Variants in IGF1 observed in about 807,000 individuals in gnomAD.
The protein encoded by IGF1 is insulin like growth factor 1, also known as insulin-like growth factor 1.
In IGF1, 4 loss-of-function variants were observed where a neutral mutation model predicts 13.8. The ratio of observed to expected loss-of-function variants is 0.29; its 90% CI spans 0.14 to 0.66. The LOEUF is 0.66. Ranked by LOEUF, IGF1 falls within the 30% of genes least tolerant of loss-of-function variation. The pLI, the probability that IGF1 is intolerant of heterozygous loss-of-function variation, is 0.78. For missense variants in IGF1, 124 were observed against 188.5 expected (o/e 0.66, Z 2.00); for synonymous variants, 76 against 72.6 (o/e 1.05, Z -0.23).
chr12:102,480,295 C>T, intron 1 of IGF1, 24 bp downstream of exon 1: 2 of 1,605,968 alleles, frequency 1.2e-6, no homozygotes, highest in Non-Finnish European at 1.7e-6. Flanking sequence ...TCCCCAATGA[C>T]TTCAAAGAGT....
chr12:102,443,634 A>G (rs1878057180), intron 2 of IGF1, among the ~76,000 whole-genome samples: 1 of 152,072 alleles, frequency 6.6e-6, no homozygotes, highest in Non-Finnish European at 1.5e-5. Context: ...TTGAATGAAC[A>G]AAACAACAGA....
intron 2 of IGF1, among the ~76,000 whole-genome samples, chr12:102,450,273 C>T (rs72561801): frequency 1.2e-4 from 18 of 152,332 alleles, no homozygotes; most frequent in Middle Eastern, 3.4e-3. Flanking sequence ...TTTTATGCGA[C>T]TCTCCTAGAA....
At position 102,396,738 on chromosome 12, in the gene IGF1, A is replaced by G. The variant is rs1202195449; in HGVS notation, c.*5769T>C. The G allele has an allele frequency of 7.6e-6, 3 of 395,332 alleles. No homozygotes were observed. Among genetic ancestry groups the G allele is most frequent in the Non-Finnish European group, 1.3e-5 (3 of 224,254 alleles). The allele number at this position is 395,332 out of a possible 1,614,324, so 24.5% of individuals were successfully genotyped here. On this transcript the variant is annotated 3_prime_UTR_variant, in exon 4 of 4. Coordinates refer to ENST00000337514, the MANE Select transcript of IGF1 (RefSeq NM_000618.5). The stretch of plus-strand genomic sequence containing the variant: ...GGTTATTAGGAGAAACTCTGTCTCC[A>G]TCTTAACTCATATTTCAGTTGAGCA...
At chr12:102,473,583 T>C (rs1486137048) in intron 2 of IGF1, among the ~76,000 whole-genome samples, 2 of 152,204 alleles carry the variant, frequency 1.3e-5, no homozygotes, top group Non-Finnish European at 2.9e-5. Context: ...GACACACATA[T>C]TTTCAATGAC....
At chr12:102,475,995 G>A (rs1419071011) in intron 1 of IGF1, among the ~76,000 whole-genome samples, 196 bp from the exon 2 acceptor site, 1 of 152,192 alleles carries the variant, frequency 6.6e-6, no homozygotes, top group Non-Finnish European at 1.5e-5. Context: ...AACAACCTGT[G>A]TTTATTCCCC....
intron 3 of IGF1, among the ~76,000 whole-genome samples, chr12:102,407,701 C>G (rs377007253): frequency 1.3e-3 from 195 of 152,218 alleles, no homozygotes; most frequent in African/African-American, 4.3e-3. Flanking sequence ...GCCCATGCTT[C>G]CAGATGGGGG....
chr12:102,471,047 A>G (rs940747437), intron 2 of IGF1, among the ~76,000 whole-genome samples: 2 of 152,186 alleles, frequency 1.3e-5, no homozygotes, highest in African/African-American at 2.4e-5. Context: ...AAAGACCTGC[A>G]TGTATTTGGT....
chr12:102,439,351 C>T (rs1343546981), intron 2 of IGF1, among the ~76,000 whole-genome samples: 1 of 152,080 alleles, frequency 6.6e-6, no homozygotes, highest in Non-Finnish European at 1.5e-5. Context: ...GAATGTTTTT[C>T]AGATGGCACT....
intron 2 of IGF1, among the ~76,000 whole-genome samples, chr12:102,473,222 G>T (rs1175430617): frequency 6.6e-6 from 1 of 152,034 alleles, no homozygotes; most frequent in East Asian, 1.9e-4. Context: ...AAACATAAAG[G>T]ATATAATTTA....
At chr12:102,462,873 C>T (rs1046121181) in intron 2 of IGF1, 1 of 152,172 alleles carries the variant, frequency 6.6e-6, no homozygotes, top group Non-Finnish European at 1.5e-5. Context: ...TAATAGAGAA[C>T]ATTTGCTGTG....
rs755265524 is a variant in IGF1, at chr12:102,475,708, G to A, written c.155C>T (p.Thr52Met). The change falls in exon 2 of 4, where the codon ACG becomes ATG. Residue 52 changes from threonine to methionine, a missense_variant. Transcript: ENST00000337514. ...FTSSATAGPE[T>M]LCGAELVDAL... ...ATCCACCAGCTCAGCCCCGCAGAGC[G>A]TCTCCGGTCCAGCCGTGGCAGAGCT... 5 of 1,614,196 alleles carry A rather than the reference G, an allele frequency of 3.1e-6. No homozygotes were observed. The highest frequency in any genetic ancestry group is 2.2e-5 in the East Asian group (1 of 44,878).
rs1480400687 is a variant in IGF1 at position 102,398,433 on chromosome 12, C to A, written c.*4074G>T. Reference sequence around the variant, plus strand: ...AATATCTGTTTTAGAGCAGAGTGCACAAAAATCAATAAGGAACTTACTTAT... The same window carrying A: ...AATATCTGTTTTAGAGCAGAGTGCAAAAAAATCAATAAGGAACTTACTTAT... On this transcript the variant is annotated 3_prime_UTR_variant, in exon 4 of 4. Transcript: ENST00000337514. 6.6e-6 allele frequency: 1 copy of A among 152,152 alleles called. No individual in the cohort carries two copies. The highest frequency in any genetic ancestry group is 1.5e-5 in the Non-Finnish European group (1 of 68,002). 9.4% of individuals were successfully genotyped at this position (152,152 alleles called of 1,614,324 possible).
Position 102,402,582 on chromosome 12 carries a change from A to G in IGF1, c.403-16T>C. The G allele has an allele frequency of 1.3e-6, 1 of 780,534 alleles. No homozygotes were observed. Among genetic ancestry groups the G allele is most frequent in the Non-Finnish European group, 2.4e-6 (1 of 417,766 alleles). The allele number at this position is 780,534 out of a possible 1,614,324, so 48.4% of individuals were successfully genotyped here. On this transcript the variant is annotated splice_polypyrimidine_tract_variant and intron_variant, in intron 3 of 3. Coordinates refer to ENST00000337514, the MANE Select transcript of IGF1 (RefSeq NM_000618.5). ...AATGTACTTCCTATAAATAAAGGAG[A>G]AAAAGTGACATTAACTTGATGAAGT... is the stretch of plus-strand genomic sequence containing the variant.
intron 3 of IGF1, among the ~76,000 whole-genome samples, chr12:102,404,454 C>T (rs1422518631): frequency 6.6e-6 from 1 of 152,170 alleles, no homozygotes; most frequent in Admixed American, 6.5e-5. Context: ...GAGTTATCAC[C>T]AAGTCCTTCA....
intron 2 of IGF1, among the ~76,000 whole-genome samples, chr12:102,448,495 C>A (rs1256313457): frequency 7.7e-6 from 1 of 129,794 alleles, no homozygotes; most frequent in Non-Finnish European, 1.6e-5. Context: ...ACAATGAGAT[C>A]ACATGGACAC....
chr12:102,437,830 CCT>C (rs1240520632), intron 2 of IGF1, among the ~76,000 whole-genome samples: 2 of 152,038 alleles, frequency 1.3e-5, no homozygotes, highest in Admixed American at 6.6e-5. Flanking sequence ...TGCTAAATAC[CCT>C]GTTAGACTTT....
chr12:102,430,381 A>G (rs1169694041), intron 2 of IGF1, among the ~76,000 whole-genome samples: 2 of 152,172 alleles, frequency 1.3e-5, no homozygotes, highest in East Asian at 1.9e-4. Context: ...AATCTCCACT[A>G]TGTTAACTGG....
chr12:102,405,977 G>A (rs868288827), intron 3 of IGF1, among the ~76,000 whole-genome samples: 14 of 152,316 alleles, frequency 9.2e-5, no homozygotes, highest in South Asian at 4.1e-4. Flanking sequence ...AAGTCTGAGC[G>A]GAGGGATTCC....
At chr12:102,416,376 A>C (rs1189992791) in intron 3 of IGF1, among the ~76,000 whole-genome samples, 1 of 152,160 alleles carries the variant, frequency 6.6e-6, no homozygotes, top group African/African-American at 2.4e-5. Context: ...AGATCTCTAA[A>C]ATCTGAATTC....
Sources: gnomAD v4.1 joint callset for allele counts (sites outside exome capture counted in the v4.1 genomes callset) on GRCh38, gnomAD v4.1.1 for gene constraint, MANE v1.5 for transcripts, NCBI Gene and HGNC (gene_info 2026-07-23, HGNC 2026-07-21) for gene names.